PTPRD: variants seen among roughly 807,000 people sequenced by gnomAD.
PTPRD encodes protein tyrosine phosphatase receptor type D.
In PTPRD, 34 loss-of-function variants were observed where a neutral mutation model predicts 214.5. That is an observed-to-expected ratio of 0.16 (90% CI 0.12 to 0.21). The LOEUF (loss-of-function observed/expected upper bound fraction) is 0.21. Among genes scored for constraint, PTPRD ranks in the 10% least tolerant of loss-of-function variants. PTPRD has a pLI of 1.00. For missense variants in PTPRD, 2,545 were observed against 2,398.7 expected (o/e 1.06, Z -1.27); for synonymous variants, 1,128 against 845.7 (o/e 1.33, Z -5.79).
chr9:9,719,378 C>A (rs1362963957), intron 7 of PTPRD, among the ~76,000 whole-genome samples: 1 of 152,112 alleles, frequency 6.6e-6, no homozygotes, highest in Non-Finnish European at 1.5e-5. Flanking sequence ...ATATTTCTGG[C>A]CAGCTTGCTA....
At chr9:10,538,203 G>A (rs748266962) in intron 2 of PTPRD, among the ~76,000 whole-genome samples, 28 of 150,628 alleles carry the variant, frequency 1.9e-4, no homozygotes, top group Admixed American at 1.5e-3. Flanking sequence ...GCCATGAGAC[G>A]ACACTGTGGA....
intron 5 of PTPRD, among the ~76,000 whole-genome samples, chr9:9,872,419 G>A (rs1258388114): frequency 6.6e-6 from 1 of 152,042 alleles, no homozygotes; most frequent in East Asian, 1.9e-4. Context: ...AAGCAACATA[G>A]TGAGACCCTG....
intron 9 of PTPRD, among the ~76,000 whole-genome samples, chr9:9,226,091 C>T (rs1347864894): frequency 2.6e-5 from 4 of 151,880 alleles, no homozygotes; most frequent in Admixed American, 6.6e-5. Context: ...AATGAATTGA[C>T]GTTACCTCTA....
At chr9:9,067,337 A>G (rs995170164) in intron 10 of PTPRD, among the ~76,000 whole-genome samples, 11 of 152,342 alleles carry the variant, frequency 7.2e-5, no homozygotes, top group Non-Finnish European at 1.6e-4. Flanking sequence ...AAGTTTTTGA[A>G]ACATTAATGC....
At position 10,201,159 on chromosome 9, in the gene PTPRD, C is replaced by T. The variant is rs573279758; in HGVS notation, c.-545+139804G>A. On this transcript the variant is annotated intron_variant, in intron 3 of 45. Transcript: ENST00000381196. ...AAGACAGTGCAATGGTGAAAGAAAA[C>T]AATACATACTCCAATGCTTCTGTGA... Among the ~76,000 whole-genome samples, 20 of 151,994 alleles carry T rather than the reference C, an allele frequency of 1.3e-4. No homozygotes were observed. The South Asian group carries it at 4.1e-3, about 32-fold the overall frequency.
chr9:9,352,557 G>A (rs924546454), intron 9 of PTPRD, among the ~76,000 whole-genome samples: 1 of 151,642 alleles, frequency 6.6e-6, no homozygotes, highest in African/African-American at 2.4e-5. Context: ...TCTTCACTCT[G>A]TTGCCTTCAC....
chr9:9,906,754 A>G (rs1363165986), intron 5 of PTPRD, among the ~76,000 whole-genome samples: 1 of 151,980 alleles, frequency 6.6e-6, no homozygotes, highest in African/African-American at 2.4e-5. Context: ...CCACTTTTCA[A>G]AAGTGTATGT....
intron 8 of PTPRD, among the ~76,000 whole-genome samples, chr9:9,409,694 C>T (rs2074730527): frequency 6.6e-6 from 1 of 151,828 alleles, no homozygotes; most frequent in Admixed American, 6.6e-5. Context: ...AATTTACTTC[C>T]CAAGAAATCG....
intron 10 of PTPRD, among the ~76,000 whole-genome samples, chr9:9,024,783 A>C (rs2154372251): frequency 6.6e-6 from 1 of 152,012 alleles, no homozygotes; most frequent in South Asian, 2.1e-4. Flanking sequence ...AATTACTTGT[A>C]ATAACTTTTT....
chr9:8,509,089 C>T (rs1359014322), intron 21 of PTPRD, among the ~76,000 whole-genome samples: 1 of 152,030 alleles, frequency 6.6e-6, no homozygotes, highest in African/African-American at 2.4e-5. Flanking sequence ...AACAGAGTAT[C>T]ACATTTTTTT....
intron 3 of PTPRD, among the ~76,000 whole-genome samples, chr9:10,135,357 C>T (rs2098934647): frequency 2.0e-5 from 3 of 151,932 alleles, no homozygotes; most frequent in African/African-American, 7.3e-5. Flanking sequence ...TGCCAATATG[C>T]AAATTCAAAA....
chr9:10,206,312 G>A (rs59640892), intron 3 of PTPRD, among the ~76,000 whole-genome samples: 56,751 of 151,888 alleles, frequency 0.37, 13,623 homozygotes, highest in African/African-American at 0.69. Context: ...AAGGGTTAGT[G>A]CCATATCTCA....
At chr9:9,998,129 A>AAAAAAATAT (rs57991748) in intron 4 of PTPRD, among the ~76,000 whole-genome samples, 1 of 91,492 alleles carries the variant, frequency 1.1e-5, no homozygotes, top group Non-Finnish European at 2.0e-5. Context: ...AAAAAAAAAA[A>AAAAAAATAT]ATATATATAT....
chr9:9,214,842 G>T (rs778535611), intron 9 of PTPRD, among the ~76,000 whole-genome samples: 13 of 152,086 alleles, frequency 8.5e-5, no homozygotes, highest in African/African-American at 1.2e-4. Context: ...TGTGTGATAT[G>T]TACTAACAGT....
intron 8 of PTPRD, among the ~76,000 whole-genome samples, chr9:9,400,600 G>T (rs780092720): frequency 1.3e-5 from 2 of 151,512 alleles, no homozygotes; most frequent in Non-Finnish European, 2.9e-5. Flanking sequence ...ACAGAATTTT[G>T]ATTAGCTCCT....
At chr9:10,047,386 A>G (rs2097426431) in intron 3 of PTPRD, among the ~76,000 whole-genome samples, 1 of 151,118 alleles carries the variant, frequency 6.6e-6, no homozygotes, top group Admixed American at 6.6e-5. Flanking sequence ...ATTTTAGCAT[A>G]TCTGGCATTT....
intron 11 of PTPRD, among the ~76,000 whole-genome samples, chr9:8,964,370 G>A (rs544649832): frequency 6.6e-6 from 1 of 151,524 alleles, no homozygotes; most frequent in African/African-American, 2.4e-5. Context: ...AGTTTCTGAG[G>A]ATATTGTCTA....
rs914508989 is a variant in PTPRD at position 9,023,509 on chromosome 9, T to A, written c.-142-4774A>T. Among the ~76,000 whole-genome samples the A allele has an allele frequency of 7.2e-5, 11 of 152,232 alleles. No homozygotes were observed. In the East Asian group the frequency reaches 1.9e-3, roughly 27 times the overall value. ...TATGATTTTTCCATTTCCATTCTTC[T>A]ATTTACACTTAGTTGCTTTTATTTA... is the stretch of plus-strand genomic sequence containing the variant. On this transcript the variant is annotated intron_variant, in intron 10 of 45. Transcript: ENST00000381196.
At chr9:9,928,359 TC>T (rs2085094334) in intron 5 of PTPRD, among the ~76,000 whole-genome samples, 2 of 152,160 alleles carry the variant, frequency 1.3e-5, no homozygotes, top group Non-Finnish European at 2.9e-5. Flanking sequence ...GTTGCCAAGC[TC>T]ATTATCTTGA....
Sources: allele counts gnomAD v4.1 joint callset (sites outside exome capture counted in the v4.1 genomes callset), GRCh38; gene constraint gnomAD v4.1.1; transcripts MANE v1.5; gene names NCBI Gene and HGNC (gene_info 2026-07-23, HGNC 2026-07-21).